The following IMMP2L variants were observed in gnomAD, a reference collection of about 807,000 sequenced individuals.
IMMP2L encodes the protein mitochondrial inner membrane protease subunit 2.
Under a neutral mutation model 19.3 loss-of-function variants are expected in IMMP2L, and 18 were observed. The observed-to-expected ratio is 0.93, with a 90% CI of 0.64 to 1.38. The LOEUF is 1.38. Among genes scored for constraint, IMMP2L ranks in the 40% most tolerant of loss-of-function variants. IMMP2L has a pLI of 0.00. For synonymous variants in IMMP2L, 76 were observed against 73.0 expected (o/e 1.04, Z -0.21); for missense variants, 233 against 218.2 (o/e 1.07, Z -0.43).
chr7:110,762,855 C>A (rs1399248703), intron 5 of IMMP2L, among the ~76,000 whole-genome samples: 1 of 152,130 alleles, frequency 6.6e-6, no homozygotes, highest in African/African-American at 2.4e-5. Context: ...GCAAGGGCAA[C>A]CATAAACATA....
chr7:111,267,488 T>TA (rs989712756), intron 3 of IMMP2L, among the ~76,000 whole-genome samples: 3 of 152,136 alleles, frequency 2.0e-5, no homozygotes, highest in Non-Finnish European at 4.4e-5. Flanking sequence ...CTAGGAGCGC[T>TA]AGTCTCCCCA....
chr7:111,108,672 T>A (rs1416010415), intron 3 of IMMP2L, among the ~76,000 whole-genome samples: 2 of 152,282 alleles, frequency 1.3e-5, no homozygotes, highest in Middle Eastern at 3.4e-3. Flanking sequence ...ATTGTTACAC[T>A]TTTGTAATCT....
chr7:111,336,156 C>T (rs1826380951), intron 3 of IMMP2L, among the ~76,000 whole-genome samples: 1 of 151,902 alleles, frequency 6.6e-6, no homozygotes. Context: ...AAGAAATCCT[C>T]CTGCCTCAGC....
chr7:110,908,540 G>A (rs948329115), intron 4 of IMMP2L, among the ~76,000 whole-genome samples: 11 of 152,142 alleles, frequency 7.2e-5, no homozygotes, highest in African/African-American at 2.4e-4. Context: ...TACTAAAAGT[G>A]TATTTAAAGT....
intron 4 of IMMP2L, among the ~76,000 whole-genome samples, chr7:110,913,641 C>T (rs1198749280): frequency 6.6e-6 from 1 of 152,082 alleles, no homozygotes; most frequent in Non-Finnish European, 1.5e-5. Context: ...TCAACATAAG[C>T]TCCATCAAGG....
chr7:110,670,791 G>C (rs2130331727), intron 5 of IMMP2L, among the ~76,000 whole-genome samples: 1 of 151,902 alleles, frequency 6.6e-6, no homozygotes, highest in Non-Finnish European at 1.5e-5. Context: ...CAAAATAGGG[G>C]AACAAAGAAA....
chr7:111,339,708 G>C (rs1315039927), intron 3 of IMMP2L, among the ~76,000 whole-genome samples: 1 of 151,940 alleles, frequency 6.6e-6, no homozygotes, highest in East Asian at 1.9e-4. Context: ...AATGTTTTCA[G>C]TCCTCTATCT....
chr7:111,550,471 T>C (rs1289256394), intron 1 of IMMP2L, among the ~76,000 whole-genome samples: 2 of 152,128 alleles, frequency 1.3e-5, no homozygotes, highest in African/African-American at 2.4e-5. Context: ...GATGTGTCCA[T>C]GTAGTTTCAT....
intron 4 of IMMP2L, among the ~76,000 whole-genome samples, chr7:110,929,564 A>C (rs952529733): frequency 3.2e-4 from 49 of 152,328 alleles, no homozygotes; most frequent in African/African-American, 1.2e-3. Flanking sequence ...ACAAGTACTG[A>C]GCATTATTTG....
At chr7:111,096,754 G>A (rs1353129379) in intron 3 of IMMP2L, among the ~76,000 whole-genome samples, 1 of 151,880 alleles carries the variant, frequency 6.6e-6, no homozygotes, top group Non-Finnish European at 1.5e-5. Flanking sequence ...TGGATCAAGT[G>A]TCAACATAAA....
At chr7:111,330,569 T>A (rs1825779146) in intron 3 of IMMP2L, among the ~76,000 whole-genome samples, 1 of 151,296 alleles carries the variant, frequency 6.6e-6, no homozygotes, top group Non-Finnish European at 1.5e-5. Flanking sequence ...TAGTAGACAT[T>A]CAAGATAAAG....
chr7:110,689,835 T>C (rs1793370636), intron 5 of IMMP2L, among the ~76,000 whole-genome samples: 1 of 152,194 alleles, frequency 6.6e-6, no homozygotes, highest in Non-Finnish European at 1.5e-5. Context: ...AGCAGATTTG[T>C]ACTTATTTTT....
intron 5 of IMMP2L, among the ~76,000 whole-genome samples, chr7:110,748,033 A>G (rs867192623): frequency 1.3e-5 from 2 of 152,248 alleles, no homozygotes; most frequent in African/African-American, 2.4e-5. Flanking sequence ...TTAAGCTGAT[A>G]AGCAACTTCA....
rs1166171949 is a variant in IMMP2L, at chr7:110,756,105, A to G, written c.409-92384T>C. Among the ~76,000 whole-genome samples, 4 of 152,118 alleles carry G rather than the reference A, an allele frequency of 2.6e-5. No homozygotes were observed. In the East Asian group the frequency reaches 7.7e-4, roughly 29 times the overall value. Reference sequence around the variant, plus strand: ...GAAGACTACTGAAGGGACCACTGTTAAAATCTAGACTAGAAATGATGAACG... The same window carrying G: ...GAAGACTACTGAAGGGACCACTGTTGAAATCTAGACTAGAAATGATGAACG... On this transcript the variant is annotated intron_variant, in intron 5 of 5. Transcript: ENST00000405709.
intron 5 of IMMP2L, among the ~76,000 whole-genome samples, chr7:110,786,951 A>G (rs1800120763): frequency 6.6e-6 from 1 of 152,046 alleles, no homozygotes; most frequent in Non-Finnish European, 1.5e-5. Flanking sequence ...TGTCAAATAA[A>G]AGAAACTTGG....
intron 3 of IMMP2L, among the ~76,000 whole-genome samples, chr7:111,440,140 C>T (rs1230740763): frequency 2.0e-5 from 3 of 151,994 alleles, no homozygotes; most frequent in Admixed American, 6.6e-5. Flanking sequence ...AAAGGATCAA[C>T]TTCTTCCAAA....
At chr7:111,053,561 A>G (rs1028547984) in intron 3 of IMMP2L, among the ~76,000 whole-genome samples, 3 of 152,178 alleles carry the variant, frequency 2.0e-5, no homozygotes, top group Admixed American at 6.5e-5. Context: ...GCTGTGACCA[A>G]TTATTATTTT....
intron 3 of IMMP2L, among the ~76,000 whole-genome samples, chr7:111,189,623 A>G (rs1808653093): frequency 1.3e-5 from 2 of 152,112 alleles, no homozygotes; most frequent in South Asian, 4.1e-4. Flanking sequence ...TGAAGAAACT[A>G]TGGCATTCTT....
At chr7:111,451,207 T>A (rs1237703350) in intron 3 of IMMP2L, among the ~76,000 whole-genome samples, 1 of 142,426 alleles carries the variant, frequency 7.0e-6, no homozygotes, top group Non-Finnish European at 1.5e-5. Flanking sequence ...ATCCCATTAC[T>A]GGGTATATAC....
Sources: gnomAD v4.1 joint callset for allele counts (sites outside exome capture counted in the v4.1 genomes callset) on GRCh38, gnomAD v4.1.1 for gene constraint, MANE v1.5 for transcripts, NCBI Gene and HGNC (gene_info 2026-07-23, HGNC 2026-07-21) for gene names.